The following ANKRD36 variants were observed in gnomAD, a reference collection of about 807,000 sequenced individuals.
ANKRD36 encodes the protein ankyrin repeat domain-containing protein 36A.
In ANKRD36, 179 loss-of-function variants were observed where a neutral mutation model predicts 278.1. The ratio of observed to expected loss-of-function variants is 0.64; its 90% CI spans 0.57 to 0.73. The LOEUF (loss-of-function observed/expected upper bound fraction) is 0.73. Among genes scored for constraint, ANKRD36 ranks in the 30% least tolerant of loss-of-function variants. The pLI, the probability that ANKRD36 is intolerant of heterozygous loss-of-function variation, is 0.00. For missense variants in ANKRD36, 1,159 were observed against 1,956.7 expected, an observed-to-expected ratio of 0.59 and a Z score of 7.69; for synonymous variants, 320 against 641.1, an observed-to-expected ratio of 0.50 and a Z score of 7.57.
intron 2 of ANKRD36, 57 bp downstream of exon 2, chr2:97,118,235 A>G (rs2153405409): frequency 6.3e-7 from 1 of 1,579,158 alleles, no homozygotes; most frequent in Non-Finnish European, 8.6e-7. Flanking sequence ...TACATAGGAT[A>G]AAATGAATTT....
intron 5 of ANKRD36, 58 bp downstream of exon 5, chr2:97,124,655 A>G (rs1017687421): frequency 1.6e-5 from 24 of 1,504,872 alleles, no homozygotes; most frequent in Admixed American, 1.2e-4. Flanking sequence ...AATAATTGTA[A>G]CAATTGCATC....
chr2:97,132,791 G>A (rs1414975569), intron 6 of ANKRD36, among the ~76,000 whole-genome samples: 6 of 151,802 alleles, frequency 4.0e-5, no homozygotes, highest in South Asian at 2.1e-4. Context: ...GGGGAAGCCA[G>A]GCACAAGCTT....
chr2:97,216,156 C>A (rs1175493752), intron 62 of ANKRD36, among the ~76,000 whole-genome samples: 1 of 151,924 alleles, frequency 6.6e-6, no homozygotes, highest in Non-Finnish European at 1.5e-5. Flanking sequence ...CTCGTTACTC[C>A]TCTTTGTTAC....
intron 62 of ANKRD36, 82 bp from the exon 63 acceptor site, chr2:97,217,095 C>T (rs2066141627): frequency 6.5e-7 from 1 of 1,543,426 alleles, no homozygotes; most frequent in African/African-American, 1.4e-5. Flanking sequence ...AAGGATACAG[C>T]TTGATGCTAA....
At chr2:97,131,418 C>A (rs1275133248) in intron 6 of ANKRD36, among the ~76,000 whole-genome samples, 1 of 151,980 alleles carries the variant, frequency 6.6e-6, no homozygotes, top group Non-Finnish European at 1.5e-5. Context: ...AGGCCAGTCT[C>A]AAACTTTTGG....
intron 18 of ANKRD36, 112 bp downstream of exon 18, chr2:97,162,250 C>T: frequency 1.5e-6 from 1 of 676,642 alleles, no homozygotes; most frequent in Non-Finnish European, 2.1e-6. Context: ...GAATAATTTT[C>T]TATGCTTTAA....
In ANKRD36 at chr2:97,165,530, T is replaced by G. The variant is rs200798699; in HGVS notation, c.1531+1061T>G. Reference sequence around the variant, plus strand: ...GTATACACTGCCATAGCTGAAAAACTCCAGTGTATGCTTTTCAGAGAATGA... The same window carrying G: ...GTATACACTGCCATAGCTGAAAAACGCCAGTGTATGCTTTTCAGAGAATGA... On this transcript the variant is annotated intron_variant, in intron 20 of 75. Coordinates refer to ENST00000420699, the MANE Select transcript of ANKRD36 (RefSeq NM_001354587.1). 2.2e-4 allele frequency among the ~76,000 whole-genome samples: 21 copies of G among 96,636 alleles called. No individual in the cohort carries two copies. The East Asian group carries it at 5.7e-3, about 26-fold the overall frequency. The allele number at this position is 96,636 out of a possible 152,430, so 63.4% of individuals were successfully genotyped here. A position where few individuals can be genotyped will look rare whatever the true frequency, so the allele number is the denominator to read the frequency against.
At chr2:97,121,871 T>G (rs1414901431) in intron 3 of ANKRD36, among the ~76,000 whole-genome samples, 1 of 150,554 alleles carries the variant, frequency 6.6e-6, no homozygotes, top group African/African-American at 2.4e-5. Flanking sequence ...ATTACATAAA[T>G]ATTTGCATCA....
chr2:97,126,408 C>T (rs373468601), intron 5 of ANKRD36, among the ~76,000 whole-genome samples: 1 of 151,128 alleles, frequency 6.6e-6, no homozygotes, highest in African/African-American at 2.4e-5. Flanking sequence ...AGTTAACAAT[C>T]GTGTTACCTA....
At chr2:97,263,056 G>T (rs2153706367) in intron 75 of ANKRD36, among the ~76,000 whole-genome samples, 1 of 135,418 alleles carries the variant, frequency 7.4e-6, no homozygotes, top group African/African-American at 2.8e-5. Context: ...ACCAAGGAGT[G>T]GGGTTTTGCT....
At chr2:97,227,307 A>G (rs1427422195) in intron 67 of ANKRD36, among the ~76,000 whole-genome samples, 1 of 152,258 alleles carries the variant, frequency 6.6e-6, no homozygotes, top group African/African-American at 2.4e-5. Context: ...TTCCTTGAGC[A>G]GTGATTTGTA....
intron 27 of ANKRD36, 45 bp from the exon 28 acceptor site, chr2:97,183,537 A>T: frequency 6.4e-7 from 1 of 1,551,456 alleles, no homozygotes; most frequent in East Asian, 2.4e-5. Context: ...ATAGCCTATG[A>T]AATATGTATT....
In ANKRD36 at chr2:97,227,800, A is replaced by G. The variant is rs1430093450; in HGVS notation, c.3951+2921A>G. Among the ~76,000 whole-genome samples the G allele has an allele frequency of 5.4e-4, 82 of 152,180 alleles. 1 individual carries two copies. Among genetic ancestry groups the G allele is most frequent in the Middle Eastern group, 3.4e-3 (1 of 294 alleles). On this transcript the variant is annotated intron_variant, in intron 67 of 75. Coordinates refer to ENST00000420699, the MANE Select transcript of ANKRD36 (RefSeq NM_001354587.1). ...TCATAGATAGCTCTTATTATTTTGA[A>G]ATACGTCCCATCAATACCTAATTTA...
rs1260180510 is a variant in ANKRD36 at position 97,123,955 on chromosome 2, A to ATT, written c.594-503_594-502dup. Among the ~76,000 whole-genome samples the ATT allele has an allele frequency of 1.8e-4, 17 of 93,380 alleles. 1 individual carries two copies. The highest frequency in any genetic ancestry group is 1.3e-3 in the South Asian group (5 of 3,986). The allele number at this position is 93,380 out of a possible 152,430, so 61.3% of individuals were successfully genotyped here. A position where few individuals can be genotyped will look rare whatever the true frequency, so the allele number is the denominator to read the frequency against. The stretch of plus-strand genomic sequence containing the variant: ...TGAAGGATATATTATTATCCTCCAT[A>ATT]TTTATATATATATATATATAGTGTT... On this transcript the variant is annotated intron_variant, in intron 4 of 75. Coordinates refer to ENST00000420699, the MANE Select transcript of ANKRD36 (RefSeq NM_001354587.1).
intron 52 of ANKRD36, among the ~76,000 whole-genome samples, chr2:97,206,622 A>C (rs1018365486): frequency 6.6e-6 from 1 of 151,400 alleles, no homozygotes; most frequent in African/African-American, 2.4e-5. Context: ...GAAAAGAAGA[A>C]GTCATTTATA....
intron 44 of ANKRD36, among the ~76,000 whole-genome samples, chr2:97,199,702 G>A (rs1308497899): frequency 2.0e-5 from 3 of 151,904 alleles, no homozygotes; most frequent in African/African-American, 4.8e-5. Flanking sequence ...ACTTTCGGAA[G>A]GGTAAACTAG....
At chr2:97,212,875 A>C (rs184867535) in intron 58 of ANKRD36, 2,136 of 214,952 alleles carry the variant, frequency 9.9e-3, no homozygotes, top group Non-Finnish European at 0.016. Context: ...ACTAGGTTTC[A>C]GCAAACATAA....
intron 62 of ANKRD36, among the ~76,000 whole-genome samples, chr2:97,215,994 T>C (rs1212343119): frequency 6.6e-6 from 1 of 151,930 alleles, no homozygotes; most frequent in Non-Finnish European, 1.5e-5. Flanking sequence ...GAAGAAGTTA[T>C]TTATGTAATT....
At chr2:97,162,383 ATTAAT>A (rs1412046140) in intron 18 of ANKRD36, among the ~76,000 whole-genome samples, 16 of 143,702 alleles carry the variant, frequency 1.1e-4, no homozygotes, top group African/African-American at 4.2e-4. Context: ...AATATAATTT[ATTAAT>A]TTTTAATAGT....
Sources: allele counts gnomAD v4.1 joint callset (sites outside exome capture counted in the v4.1 genomes callset), GRCh38; gene constraint gnomAD v4.1.1; transcripts MANE v1.5; gene names NCBI Gene and HGNC (gene_info 2026-07-23, HGNC 2026-07-21).